The following ANKS1A variants were observed in gnomAD, a reference collection of about 807,000 sequenced individuals.
The protein encoded by ANKS1A is ankyrin repeat and SAM domain-containing protein 1A.
A neutral mutation model predicts 120.3 loss-of-function variants in ANKS1A; 55 were observed. That is an observed-to-expected ratio of 0.46 (90% CI 0.37 to 0.57). The LOEUF is 0.57. Among genes scored for constraint, ANKS1A ranks in the 20% least tolerant of loss-of-function variants. The probability of loss-of-function intolerance (pLI) is 0.00; values close to 1 mark genes in which losing one functional copy is unlikely to be tolerated. For missense variants in ANKS1A, 1,123 were observed against 1,480.3 expected, an observed-to-expected ratio of 0.76 and a Z score of 3.96; for synonymous variants, 590 against 604.7, an observed-to-expected ratio of 0.98 and a Z score of 0.36.
At chr6:34,992,566 C>A (rs3800441) in intron 9 of ANKS1A, among the ~76,000 whole-genome samples, 1 of 152,176 alleles carries the variant, frequency 6.6e-6, no homozygotes, top group Non-Finnish European at 1.5e-5. Context: ...GCTGTAGGTG[C>A]GTAAACCTGC....
chr6:34,912,950 G>A (rs1383165410), intron 1 of ANKS1A, among the ~76,000 whole-genome samples: 1 of 152,096 alleles, frequency 6.6e-6, no homozygotes, highest in Admixed American at 6.6e-5. Flanking sequence ...TCACCATTTG[G>A]TTCCTTAAGG....
At chr6:34,943,893 T>C (rs1769651071) in intron 1 of ANKS1A, among the ~76,000 whole-genome samples, 1 of 152,226 alleles carries the variant, frequency 6.6e-6, no homozygotes, top group Admixed American at 6.5e-5. Flanking sequence ...CATAAGCTCA[T>C]TTGGGTAAAT....
At chr6:34,978,481 T>C (rs1180850546) in intron 3 of ANKS1A, among the ~76,000 whole-genome samples, 2 of 152,188 alleles carry the variant, frequency 1.3e-5, no homozygotes, top group Non-Finnish European at 2.9e-5. Flanking sequence ...CTTTCTTTTC[T>C]TGTGAGTGTA....
At chr6:34,997,056 C>T (rs1772892376) in intron 10 of ANKS1A, among the ~76,000 whole-genome samples, 1 of 152,132 alleles carries the variant, frequency 6.6e-6, no homozygotes, top group Non-Finnish European at 1.5e-5. Context: ...CTTCTCCATC[C>T]CCACACCCGG....
chr6:35,032,983 T>C (rs1409870552), intron 11 of ANKS1A, among the ~76,000 whole-genome samples: 1 of 152,240 alleles, frequency 6.6e-6, no homozygotes, highest in Non-Finnish European at 1.5e-5. Context: ...GAATTTGGCA[T>C]TTAAATGTCA....
At chr6:35,018,126 G>A (rs1368524833) in intron 11 of ANKS1A, 67 bp downstream of exon 11, 14 of 1,488,724 alleles carry the variant, frequency 9.4e-6, no homozygotes, top group East Asian at 2.3e-5. Flanking sequence ...CACAGCTCCC[G>A]TGAGTGCCAA....
Position 35,075,476 on chromosome 6 carries a change from C to T in ANKS1A, c.2185-3082C>T, listed in dbSNP as rs530601277. ...TGTCACCCAGGCTGGAGTGCAGTGG[C>T]GCGATCTCAGCTCACTGCAACCTCC... On this transcript the variant is annotated intron_variant, in intron 13 of 23. Coordinates refer to ENST00000360359, the MANE Select transcript of ANKS1A (RefSeq NM_015245.3). Among the ~76,000 whole-genome samples, 461 of 141,316 alleles carry T rather than the reference C, an allele frequency of 3.3e-3. 1 individual carries two copies. The highest frequency in any genetic ancestry group is 5.4e-3 in the Non-Finnish European group (358 of 66,810). 92.7% of individuals were successfully genotyped at this position (141,316 alleles called of 152,430 possible).
chr6:35,075,877 C>T (rs1352675755), intron 13 of ANKS1A, among the ~76,000 whole-genome samples: 3 of 152,152 alleles, frequency 2.0e-5, no homozygotes, highest in African/African-American at 4.8e-5. Context: ...TCCTCCCACC[C>T]AGCTTTCCAA....
At chr6:34,891,817 T>C (rs1297453575) in intron 1 of ANKS1A, among the ~76,000 whole-genome samples, 1 of 152,124 alleles carries the variant, frequency 6.6e-6, no homozygotes, top group Admixed American at 6.5e-5. Flanking sequence ...TTTGTAGAGA[T>C]GGAGTTTCAC....
intron 10 of ANKS1A, among the ~76,000 whole-genome samples, chr6:35,006,643 TACTCGGGA>T (rs2127548981): frequency 6.6e-6 from 1 of 152,182 alleles, no homozygotes; most frequent in Non-Finnish European, 1.5e-5. Flanking sequence ...TAGTCCCAGC[TACTCGGGA>T]AGCTGAGGCA....
intron 1 of ANKS1A, among the ~76,000 whole-genome samples, chr6:34,911,853 A>C (rs1326767068): frequency 6.6e-6 from 1 of 152,142 alleles, no homozygotes; most frequent in Non-Finnish European, 1.5e-5. Context: ...ATGGCAGTAT[A>C]CCCCTTGGGT....
At chr6:35,081,713 G>A (rs1387597306) in intron 17 of ANKS1A, among the ~76,000 whole-genome samples, 6 of 152,212 alleles carry the variant, frequency 3.9e-5, no homozygotes, top group East Asian at 1.9e-4. Context: ...CTCCGCTCCC[G>A]GTGCCCGCTC....
chr6:35,064,648 C>T (rs1776676553), intron 13 of ANKS1A, among the ~76,000 whole-genome samples: 2 of 152,214 alleles, frequency 1.3e-5, no homozygotes, highest in Admixed American at 6.5e-5. Flanking sequence ...TTCACGTGAA[C>T]AGTGGGGCTT....
At position 34,999,105 on chromosome 6, in the gene ANKS1A, A is replaced by G. The variant is rs116262262; in HGVS notation, c.1423+4683A>G. On this transcript the variant is annotated intron_variant, in intron 10 of 23. Coordinates refer to ENST00000360359, the MANE Select transcript of ANKS1A (RefSeq NM_015245.3). ...GAGTCTGGACATCTAAAACTTGGTAAGACTTGTCTTTGGAACTTGCCCACT... is the reference window on the plus strand; with the variant it reads ...GAGTCTGGACATCTAAAACTTGGTAGGACTTGTCTTTGGAACTTGCCCACT... 4.9e-3 allele frequency among the ~76,000 whole-genome samples: 748 copies of G among 152,330 alleles called. 2 individuals carry two copies. Among genetic ancestry groups the G allele is most frequent in the Middle Eastern group, 0.01 (3 of 294 alleles).
At chr6:35,072,272 G>C (rs1041487223) in intron 13 of ANKS1A, among the ~76,000 whole-genome samples, 1 of 152,192 alleles carries the variant, frequency 6.6e-6, no homozygotes, top group Non-Finnish European at 1.5e-5. Flanking sequence ...GGGCCGACCC[G>C]GGCCGACCCT....
chr6:35,024,020 G>C (rs1774485864), intron 11 of ANKS1A, among the ~76,000 whole-genome samples: 1 of 151,984 alleles, frequency 6.6e-6, no homozygotes, highest in East Asian at 1.9e-4. Flanking sequence ...TTGTTTTTCT[G>C]CACTGATATA....
rs765015041 is a variant in ANKS1A at position 34,985,098 on chromosome 6, A to G, written c.1029A>G (p.Ala343=). The G allele has an allele frequency of 6.2e-7, 1 of 1,613,878 alleles. No homozygotes were observed. The highest frequency in any genetic ancestry group is 8.5e-7 in the Non-Finnish European group (1 of 1,179,866). Residue 343 remains alanine (A), a synonymous_variant, in exon 8 of 24, where the codon GCA becomes GCG. Coordinates refer to ENST00000360359, the MANE Select transcript of ANKS1A (RefSeq NM_015245.3). ...SQKSQGDVEK[A]VTELIIDFDA... ...TCCTCTCAGGTGACGTGGAGAAAGC[A>G]GTGACTGAACTGATTATAGATTTTG...
intron 3 of ANKS1A, among the ~76,000 whole-genome samples, chr6:34,974,735 T>A (rs979783363): frequency 6.6e-5 from 10 of 152,170 alleles, no homozygotes; most frequent in African/African-American, 1.9e-4. Context: ...TAATCTACCT[T>A]GCTGGATTGT....
In ANKS1A at chr6:35,084,396, C is replaced by A; in HGVS notation, c.3132+138C>A. On this transcript the variant is annotated intron_variant, in intron 21 of 23. Transcript: ENST00000360359. The surrounding 1 kb of genome is among the most constrained non-coding windows in gnomAD (Gnocchi z 4.8). ...CAAATGTTTGGTTCATGAATGGAGC[C>A]CAGCAGCACTCAGGCCGGTCCCCTT... 1 of 1,246,770 alleles carries A rather than the reference C, an allele frequency of 8.0e-7. No homozygotes were observed. The highest frequency in any genetic ancestry group is 1.1e-6 in the Non-Finnish European group (1 of 922,960). The allele number at this position is 1,246,770 out of a possible 1,614,324, so 77.2% of individuals were successfully genotyped here.
Sources: gnomAD v4.1 joint callset for allele counts (sites outside exome capture counted in the v4.1 genomes callset) on GRCh38, gnomAD v4.1.1 for gene constraint, Gnocchi (gnomAD v3.1) non-coding constraint, MANE v1.5 for transcripts, NCBI Gene and HGNC (gene_info 2026-07-23, HGNC 2026-07-21) for gene names.